The following CNTNAP2 variants were observed in gnomAD, a reference collection of about 807,000 sequenced individuals.
CNTNAP2 encodes contactin-associated protein-like 2.
CNTNAP2 carries 98 observed loss-of-function variants against 155.2 expected under a neutral mutation model. The ratio of observed to expected loss-of-function variants is 0.63; its 90% CI spans 0.54 to 0.75. The LOEUF (loss-of-function observed/expected upper bound fraction) is 0.75. CNTNAP2 is among the 30% of genes least tolerant of loss of function. CNTNAP2 has a pLI of 0.00. For missense variants in CNTNAP2, 1,727 were observed against 1,688.1 expected, an observed-to-expected ratio of 1.02 and a Z score of -0.40; for synonymous variants, 651 against 631.2, an observed-to-expected ratio of 1.03 and a Z score of -0.47.
chr7:148,178,499 T>A (rs1416228174), intron 18 of CNTNAP2, among the ~76,000 whole-genome samples: 3 of 152,218 alleles, frequency 2.0e-5, no homozygotes, highest in Non-Finnish European at 4.4e-5. Context: ...AGTCTCCTAT[T>A]CTCCCTATGA....
intron 8 of CNTNAP2, among the ~76,000 whole-genome samples, chr7:147,272,123 C>T (rs1025754397): frequency 3.9e-5 from 6 of 152,102 alleles, no homozygotes; most frequent in African/African-American, 1.4e-4. Flanking sequence ...GAACTCCTGA[C>T]TTCAGGTAAT....
chr7:146,440,563 A>T (rs1419942113), intron 1 of CNTNAP2, among the ~76,000 whole-genome samples: 1 of 151,516 alleles, frequency 6.6e-6, no homozygotes, highest in Non-Finnish European at 1.5e-5. Flanking sequence ...CACACTGGTT[A>T]TGCTGTCTGT....
chr7:148,076,422 CTTTTTTTT>C lies in CNTNAP2; in HGVS notation c.2384-41672_2384-41665del, dbSNP rs771048326. Among the ~76,000 whole-genome samples the C allele has an allele frequency of 5.2e-4, 26 of 49,800 alleles. No individual in the cohort carries two copies. The East Asian group carries it at 0.015, about 29-fold the overall frequency. The allele number at this position is 49,800 out of a possible 152,430, so 32.7% of individuals were successfully genotyped here. A position where few individuals can be genotyped will look rare whatever the true frequency, so the allele number is the denominator to read the frequency against. ...TGTAGACCTATGATAGCTCTGACTT[CTTTTTTTT>C]TTTTTTTTTTTTTTTTTTTTTTTGA... On this transcript the variant is annotated intron_variant, in intron 15 of 23. Coordinates refer to ENST00000361727, the MANE Select transcript of CNTNAP2 (RefSeq NM_014141.6).
chr7:146,941,266 G>C (rs1270721950), intron 3 of CNTNAP2, among the ~76,000 whole-genome samples: 3 of 151,550 alleles, frequency 2.0e-5, no homozygotes, highest in Admixed American at 6.6e-5. Context: ...GTGTATCAAA[G>C]TTATTTGCTT....
chr7:147,811,791 T>TA (rs946921161), intron 13 of CNTNAP2, among the ~76,000 whole-genome samples: 6 of 152,070 alleles, frequency 3.9e-5, no homozygotes, highest in Admixed American at 1.3e-4. Flanking sequence ...ATCCTTAATG[T>TA]AAAAAAAATT....
intron 20 of CNTNAP2, among the ~76,000 whole-genome samples, chr7:148,238,934 A>C (rs1284643683): frequency 6.6e-6 from 1 of 152,268 alleles, no homozygotes; most frequent in African/African-American, 2.4e-5. Context: ...TTTTACTATC[A>C]GAAGTTGTTC....
At chr7:147,675,539 T>C (rs1420100812) in intron 13 of CNTNAP2, among the ~76,000 whole-genome samples, 2 of 152,092 alleles carry the variant, frequency 1.3e-5, no homozygotes, top group Non-Finnish European at 2.9e-5. Flanking sequence ...ATTTATTCTT[T>C]CTCCACCTTG....
chr7:146,729,962 C>T (rs368648594), intron 1 of CNTNAP2, among the ~76,000 whole-genome samples: 2 of 152,124 alleles, frequency 1.3e-5, no homozygotes, highest in Non-Finnish European at 2.9e-5. Flanking sequence ...TGATTAATAG[C>T]TGGGGAGTTA....
intron 2 of CNTNAP2, among the ~76,000 whole-genome samples, chr7:146,805,514 CAAG>C (rs1293839069): frequency 4.6e-5 from 7 of 152,074 alleles, no homozygotes; most frequent in South Asian, 2.1e-4. Flanking sequence ...ATCCAATTCT[CAAG>C]AAGAAGTAAT....
chr7:147,217,712 A>G (rs1465244730), intron 8 of CNTNAP2, among the ~76,000 whole-genome samples: 3 of 152,024 alleles, frequency 2.0e-5, no homozygotes, highest in East Asian at 1.9e-4. Context: ...AAGTAATTGT[A>G]GAGAATTGGT....
chr7:148,010,610 G>GA (rs569601198), intron 15 of CNTNAP2, among the ~76,000 whole-genome samples: 120 of 150,758 alleles, frequency 8.0e-4, no homozygotes, highest in African/African-American at 2.9e-3. Context: ...TCAAACATGG[G>GA]AAAAATTCTT....
intron 15 of CNTNAP2, among the ~76,000 whole-genome samples, chr7:148,017,709 T>A (rs1223616298): frequency 1.3e-5 from 2 of 152,248 alleles, no homozygotes; most frequent in Non-Finnish European, 2.9e-5. Flanking sequence ...GATCTTCCGC[T>A]ATGGAGATTA....
At chr7:146,469,854 T>G (rs1335905264) in intron 1 of CNTNAP2, among the ~76,000 whole-genome samples, 2 of 150,054 alleles carry the variant, frequency 1.3e-5, no homozygotes, top group Admixed American at 6.6e-5. Context: ...TTTTTTTTTT[T>G]TTTGAGACAC....
At chr7:147,297,280 T>C (rs1794847117) in intron 8 of CNTNAP2, among the ~76,000 whole-genome samples, 1 of 152,042 alleles carries the variant, frequency 6.6e-6, no homozygotes, top group Non-Finnish European at 1.5e-5. Context: ...CATTCAGTTA[T>C]TCATTCACAC....
chr7:147,131,203 AC>A (rs1024072599), intron 7 of CNTNAP2, among the ~76,000 whole-genome samples: 30 of 151,142 alleles, frequency 2.0e-4, no homozygotes, highest in Admixed American at 1.5e-3. Flanking sequence ...ACACATGTAT[AC>A]CATATACATA....
chr7:147,176,331 T>C (rs1183154287), intron 8 of CNTNAP2, among the ~76,000 whole-genome samples: 1 of 152,158 alleles, frequency 6.6e-6, no homozygotes, highest in Non-Finnish European at 1.5e-5. Flanking sequence ...ATAGTTTTAA[T>C]ATACATTTCA....
intron 3 of CNTNAP2, among the ~76,000 whole-genome samples, chr7:146,988,322 T>C (rs747093646): frequency 2.6e-5 from 4 of 152,060 alleles, no homozygotes; most frequent in Non-Finnish European, 5.9e-5. Flanking sequence ...GATAAGCACA[T>C]TGAATATAAA....
In CNTNAP2 at chr7:148,233,297, T is replaced by C. The variant is rs544238901; in HGVS notation, c.3381+3518T>C. Among the ~76,000 whole-genome samples, 11 of 152,318 alleles carry C rather than the reference T, an allele frequency of 7.2e-5. 1 individual carries two copies. The South Asian group carries it at 1.9e-3, about 26-fold the overall frequency. On this transcript the variant is annotated intron_variant, in intron 20 of 23. Transcript: ENST00000361727. ...TTTCCTTCCTATTTTTTCCTTTCTC[T>C]CTTCCCAACCACATTGCACAAGGGA...
At chr7:147,200,369 T>A (rs917384178) in intron 8 of CNTNAP2, among the ~76,000 whole-genome samples, 3 of 152,134 alleles carry the variant, frequency 2.0e-5, no homozygotes, top group African/African-American at 7.2e-5. Context: ...GAAGGACAGC[T>A]TATTGCTCGT....
Sources: gnomAD v4.1 joint callset for allele counts (sites outside exome capture counted in the v4.1 genomes callset) on GRCh38, gnomAD v4.1.1 for gene constraint, MANE v1.5 for transcripts, NCBI Gene and HGNC (gene_info 2026-07-23, HGNC 2026-07-21) for gene names.